Variants in NSMCE2 observed in about 807,000 individuals in gnomAD.
NSMCE2 encodes the protein NSE2 SUMO ligase component of SMC5/6 complex.
Under a neutral mutation model 23.8 loss-of-function variants are expected in NSMCE2, and 24 were observed. That is an observed-to-expected ratio of 1.01 (90% CI 0.73 to 1.42). The LOEUF is 1.42. Among genes scored for constraint, NSMCE2 ranks in the 40% most tolerant of loss-of-function variants. NSMCE2 has a pLI of 0.00. For missense variants in NSMCE2, 284 were observed against 296.5 expected, an observed-to-expected ratio of 0.96 and a Z score of 0.31; for synonymous variants, 92 against 94.1, an observed-to-expected ratio of 0.98 and a Z score of 0.13.
At chr8:125,157,148 C>T (rs760895259) in intron 4 of NSMCE2, among the ~76,000 whole-genome samples, 2 of 152,114 alleles carry the variant, frequency 1.3e-5, no homozygotes, top group African/African-American at 2.4e-5. Context: ...GAAATTCGTT[C>T]GGTGGCTATA....
intron 5 of NSMCE2, among the ~76,000 whole-genome samples, chr8:125,266,208 C>T (rs928452793): frequency 1.2e-4 from 18 of 151,926 alleles, no homozygotes; most frequent in African/African-American, 2.7e-4. Flanking sequence ...TCTCCTGCCT[C>T]GGCCTCCCGA....
At position 125,281,016 on chromosome 8, in the gene NSMCE2, C is replaced by T. The variant is rs113141571; in HGVS notation, c.419-76203C>T. Reference sequence around the variant, plus strand: ...TTTTCAGGAAGAAAACTCTGCCTGCCTATCCAGAATGGGTCGGTGAATGCA... The same window carrying T: ...TTTTCAGGAAGAAAACTCTGCCTGCTTATCCAGAATGGGTCGGTGAATGCA... On this transcript the variant is annotated intron_variant, in intron 5 of 7. Coordinates refer to ENST00000287437, the MANE Select transcript of NSMCE2 (RefSeq NM_173685.4). Among the ~76,000 whole-genome samples, 335 of 152,326 alleles carry T rather than the reference C, an allele frequency of 2.2e-3. 1 individual carries two copies. Among genetic ancestry groups the T allele is most frequent in the African/African-American group, 7.6e-3 (317 of 41,578 alleles).
At chr8:125,216,307 C>CT (rs1824580067) in intron 5 of NSMCE2, among the ~76,000 whole-genome samples, 1 of 152,144 alleles carries the variant, frequency 6.6e-6, no homozygotes, top group African/African-American at 2.4e-5. Flanking sequence ...GCTTTCAGTT[C>CT]TTTTTTGTGT....
intron 5 of NSMCE2, among the ~76,000 whole-genome samples, chr8:125,309,447 G>A (rs1255056723): frequency 6.6e-6 from 1 of 152,118 alleles, no homozygotes; most frequent in Non-Finnish European, 1.5e-5. Flanking sequence ...TTAAGATCAG[G>A]TGCAGTGGCT....
At chr8:125,235,252 A>T (rs2130958933) in intron 5 of NSMCE2, among the ~76,000 whole-genome samples, 1 of 152,098 alleles carries the variant, frequency 6.6e-6, no homozygotes, top group South Asian at 2.1e-4. Flanking sequence ...ATTAAAAAAA[A>T]AAAAAAGGAA....
intron 5 of NSMCE2, among the ~76,000 whole-genome samples, chr8:125,212,162 C>T (rs1000719572): frequency 3.3e-5 from 5 of 152,312 alleles, no homozygotes; most frequent in Middle Eastern, 3.4e-3. Flanking sequence ...TGTTGCTACA[C>T]GTGTGAATCT....
At chr8:125,348,381 C>G (rs903723632) in intron 5 of NSMCE2, 44 of 152,126 alleles carry the variant, frequency 2.9e-4, no homozygotes, top group African/African-American at 1.1e-3. Context: ...GTTGTAACAT[C>G]TAGGGAATCT....
intron 5 of NSMCE2, among the ~76,000 whole-genome samples, chr8:125,190,145 A>C (rs999454355): frequency 3.3e-5 from 5 of 152,032 alleles, no homozygotes; most frequent in Non-Finnish European, 7.4e-5. Context: ...GCCCTACACA[A>C]ATTTTTTATT....
At chr8:125,357,614 A>G in intron 6 of NSMCE2, 98 bp from the exon 7 acceptor site, 2 of 849,184 alleles carry the variant, frequency 2.4e-6, no homozygotes, top group Non-Finnish European at 3.9e-6. Context: ...AGCCATGAGA[A>G]TGGGAAGTTA....
chr8:125,111,643 T>A (rs1187271885), intron 3 of NSMCE2, among the ~76,000 whole-genome samples: 1 of 151,972 alleles, frequency 6.6e-6, no homozygotes, highest in South Asian at 2.1e-4. Flanking sequence ...CTACCAAAAA[T>A]AGAAAAATTA....
At chr8:125,097,893 T>C (rs545682524) in intron 1 of NSMCE2, among the ~76,000 whole-genome samples, 1 of 152,314 alleles carries the variant, frequency 6.6e-6, no homozygotes, top group African/African-American at 2.4e-5. Flanking sequence ...GTGCTAATTA[T>C]GTTGAATTTT....
At chr8:125,107,006 C>A (rs1466108683) in intron 3 of NSMCE2, among the ~76,000 whole-genome samples, 1 of 150,444 alleles carries the variant, frequency 6.6e-6, no homozygotes, top group African/African-American at 2.5e-5. Context: ...AAAAAAAAAA[C>A]AACAAAAAAA....
chr8:125,342,826 C>T (rs917736944), intron 5 of NSMCE2, among the ~76,000 whole-genome samples: 1 of 152,154 alleles, frequency 6.6e-6, no homozygotes, highest in African/African-American at 2.4e-5. Flanking sequence ...TGGCTCTGAC[C>T]ACTTTGTCAG....
At chr8:125,226,084 A>G (rs1825078343) in intron 5 of NSMCE2, among the ~76,000 whole-genome samples, 1 of 152,212 alleles carries the variant, frequency 6.6e-6, no homozygotes, top group South Asian at 2.1e-4. Context: ...AAGAATACAT[A>G]CAATTTTCTT....
At chr8:125,192,264 A>G (rs986502067) in intron 5 of NSMCE2, among the ~76,000 whole-genome samples, 3 of 151,906 alleles carry the variant, frequency 2.0e-5, no homozygotes, top group Non-Finnish European at 4.4e-5. Flanking sequence ...TATTTGTTAG[A>G]TATACTGGAA....
chr8:125,357,057 G>A (rs747767334), intron 5 of NSMCE2, among the ~76,000 whole-genome samples, 162 bp from the exon 6 acceptor site: 16 of 152,146 alleles, frequency 1.1e-4, no homozygotes, highest in Non-Finnish European at 2.2e-4. Context: ...GAGGTACCCC[G>A]TAGTGTTCTC....
intron 3 of NSMCE2, among the ~76,000 whole-genome samples, chr8:125,119,139 G>A (rs1245585262): frequency 1.3e-5 from 2 of 152,086 alleles, no homozygotes; most frequent in Admixed American, 1.3e-4. Flanking sequence ...GAAAGTTTTG[G>A]CTGCTGTTCA....
intron 5 of NSMCE2, among the ~76,000 whole-genome samples, chr8:125,263,385 C>A (rs1309579199): frequency 6.6e-6 from 1 of 152,120 alleles, no homozygotes; most frequent in Non-Finnish European, 1.5e-5. Context: ...TAGGAAGAAA[C>A]TAGAAGGTTA....
chr8:125,292,000 G>A (rs1828126435), intron 5 of NSMCE2, among the ~76,000 whole-genome samples: 1 of 152,070 alleles, frequency 6.6e-6, no homozygotes, highest in South Asian at 2.1e-4. Context: ...CATTCAAGCT[G>A]GTCCATGGGG....
Sources: gnomAD v4.1 joint callset for allele counts (sites outside exome capture counted in the v4.1 genomes callset) on GRCh38, gnomAD v4.1.1 for gene constraint, MANE v1.5 for transcripts, NCBI Gene and HGNC (gene_info 2026-07-23, HGNC 2026-07-21) for gene names.